Variants in POGLUT2 observed in about 807,000 individuals in gnomAD.
The protein encoded by POGLUT2 is protein O-glucosyltransferase 2.
A neutral mutation model predicts 57.6 loss-of-function variants in POGLUT2; 47 were observed. The ratio of observed to expected loss-of-function variants is 0.82; its 90% CI spans 0.65 to 1.04. The LOEUF is 1.04. Among genes scored for constraint, POGLUT2 ranks in the 50% least tolerant of loss-of-function variants. The pLI is 0.00. For synonymous variants in POGLUT2, 200 were observed against 218.8 expected, an observed-to-expected ratio of 0.91 and a Z score of 0.76; for missense variants, 565 against 614.8, an observed-to-expected ratio of 0.92 and a Z score of 0.86.
Position 102,791,118 on chromosome 13 carries a change from G to A in POGLUT2, c.866C>T (p.Ser289Phe). The A allele has an allele frequency of 6.2e-7, 1 of 1,614,056 alleles. No individual in the cohort carries two copies. The highest frequency in any genetic ancestry group is 8.5e-7 in the Non-Finnish European group (1 of 1,179,948). The change falls in exon 6 of 10, where the codon TCC becomes TTC. Residue 289 changes from serine (S) to phenylalanine (F), a missense_variant. Ser to Phe is a radical substitution (Grantham distance 155). Coordinates refer to ENST00000376004, the MANE Select transcript of POGLUT2 (RefSeq NM_024089.3). ...TMGRVSLDMM[S>F]VQANTGPPWE... ...GGGAGGACCCGTGTTAGCTTGCACG[G>A]ACATCATATCCAGACTTACCCTAGA...
At chr13:102,788,812 G>A (rs561422717) in intron 7 of POGLUT2, among the ~76,000 whole-genome samples, 200 bp downstream of exon 7, 1 of 152,284 alleles carries the variant, frequency 6.6e-6, no homozygotes, top group South Asian at 2.1e-4. Context: ...ATGCAGAGTG[G>A]AGAGTTAATG....
chr13:102,795,029 G>A (rs1190555746), intron 2 of POGLUT2, among the ~76,000 whole-genome samples: 5 of 149,376 alleles, frequency 3.3e-5, no homozygotes, highest in African/African-American at 1.2e-4. Context: ...TGAGGCGGGC[G>A]GATCACGAGG....
At chr13:102,790,871 A>G (rs1428770159) in intron 6 of POGLUT2, 30 bp downstream of exon 6, 2 of 1,425,240 alleles carry the variant, frequency 1.4e-6, no homozygotes, top group Non-Finnish European at 9.9e-7. Context: ...TTAGAAAAAC[A>G]AAAAAGATTA....
chr13:102,793,234 C>A, intron 4 of POGLUT2, 107 bp downstream of exon 4: 1 of 668,894 alleles, frequency 1.5e-6, no homozygotes, highest in Non-Finnish European at 2.7e-6. Context: ...TATCATAAGG[C>A]TCCAGAAGAG....
chr13:102,796,895 T>C lies in POGLUT2; in HGVS notation c.297A>G (p.Val99=), dbSNP rs1362342673. Residue 99 remains valine (V), a synonymous_variant, in exon 2 of 10, where the codon GTA becomes GTG. Coordinates refer to ENST00000376004, the MANE Select transcript of POGLUT2 (RefSeq NM_024089.3). ...VLDRKDGSFI[V]RYRMYASYKN... ...TGTAGCTTGCATACATTCTGTATCT[T>C]ACTATGAAGGACCCATCTTTTCGGT... 3 of 1,611,108 alleles carry C rather than the reference T, an allele frequency of 1.9e-6. No individual in the cohort carries two copies. Among genetic ancestry groups the C allele is most frequent in the Admixed American group, 3.3e-5 (2 of 59,988 alleles).
Position 102,789,012 on chromosome 13 carries a change from C to T in POGLUT2, c.1293G>A (p.Glu431=), listed in dbSNP as rs771616466. The T allele has an allele frequency of 5.6e-6, 9 of 1,612,358 alleles. No individual in the cohort carries two copies. Among genetic ancestry groups the T allele is most frequent in the African/African-American group, 1.3e-5 (1 of 74,844 alleles). Residue 431 remains glutamate (E), a splice_region_variant and synonymous_variant, in exon 7 of 10, where the codon GAG becomes GAA. Transcript: ENST00000376004. ...KLKWAKDHDE[E]AKKIAKAGQE... ...AAGCCTTCAAGGGGACTAACCTTAC[C>T]TCTTCATCGTGATCTTTCGCCCATT...
chr13:102,795,424 A>G lies in POGLUT2; in HGVS notation c.388+1380T>C, dbSNP rs535388600. Reference sequence around the variant, plus strand: ...CAAAAAATACAAAAATTAGTGGGGCATGGTGGTGAGTGCCTGTAGTCCCAG... The same window carrying G: ...CAAAAAATACAAAAATTAGTGGGGCGTGGTGGTGAGTGCCTGTAGTCCCAG... On this transcript the variant is annotated intron_variant, in intron 2 of 9. Coordinates refer to ENST00000376004, the MANE Select transcript of POGLUT2 (RefSeq NM_024089.3). 9.9e-5 allele frequency among the ~76,000 whole-genome samples: 15 copies of G among 152,102 alleles called. No homozygotes were observed. In the South Asian group the frequency reaches 2.7e-3, roughly 27 times the overall value.
chr13:102,787,590 G>C (rs1877999082), intron 8 of POGLUT2, among the ~76,000 whole-genome samples: 1 of 152,192 alleles, frequency 6.6e-6, no homozygotes, highest in Admixed American at 6.5e-5. Context: ...CAATTTCTTA[G>C]TCAGACATCA....
chr13:102,798,739 G>C lies in POGLUT2; in HGVS notation c.-69C>G. ...GTGTAAGAGGTGGACAGAAGCAGCCGAGCCTTCGGCAGGGACCCGCCGGCC... is the reference window on the plus strand; with the variant it reads ...GTGTAAGAGGTGGACAGAAGCAGCCCAGCCTTCGGCAGGGACCCGCCGGCC... On this transcript the variant is annotated 5_prime_UTR_variant, in exon 1 of 10. Transcript: ENST00000376004. The C allele has an allele frequency of 1.4e-6, 2 of 1,427,354 alleles. No individual in the cohort carries two copies. Among genetic ancestry groups the C allele is most frequent in the South Asian group, 2.9e-5 (2 of 68,422 alleles). The allele number at this position is 1,427,354 out of a possible 1,614,324, so 88.4% of individuals were successfully genotyped here.
intron 2 of POGLUT2, 112 bp downstream of exon 2, chr13:102,796,692 A>AT (rs1299179425): frequency 2.0e-4 from 31 of 151,814 alleles, no homozygotes; most frequent in South Asian, 1.9e-3. Flanking sequence ...GTAAAAAAAA[A>AT]AAAAAAAATA....
At chr13:102,785,496 G>T (rs1442377994) in intron 9 of POGLUT2, among the ~76,000 whole-genome samples, 2 of 149,656 alleles carry the variant, frequency 1.3e-5, no homozygotes, top group Non-Finnish European at 3.0e-5. Flanking sequence ...ACACACTCTA[G>T]TTTATGCAAT....
intron 2 of POGLUT2, among the ~76,000 whole-genome samples, chr13:102,794,271 A>G (rs1878293207): frequency 6.6e-6 from 1 of 152,126 alleles, no homozygotes; most frequent in Admixed American, 6.6e-5. Flanking sequence ...ATACTGGGGC[A>G]TTGCAAGTAA....
chr13:102,787,321 A>G (rs1877988139), intron 8 of POGLUT2, among the ~76,000 whole-genome samples: 1 of 152,188 alleles, frequency 6.6e-6, no homozygotes, highest in Admixed American at 6.5e-5. Flanking sequence ...TGCTGGGATT[A>G]CAGGTGTGAG....
rs767697799 is a variant in POGLUT2, at chr13:102,793,717, T to C, written c.478A>G (p.Ile160Val). The change falls in exon 3 of 10, where the codon ATT becomes GTT. Residue 160 changes from isoleucine (I) to valine (V), a missense_variant. Ile to Val is a conservative substitution (Grantham distance 29, BLOSUM62 3). Transcript: ENST00000376004. ...EMNCPETIAQ[I>V]QRDLAHFPAV... ...GGGAAATGTGCCAGATCTCTCTGAA[T>C]CTGAGCAATGGTTTCAGGGCAGTTC... 1.2e-6 allele frequency: 2 copies of C among 1,614,142 alleles called. No individual in the cohort carries two copies. Among genetic ancestry groups the C allele is most frequent in the Non-Finnish European group, 1.7e-6 (2 of 1,179,956 alleles).
intron 6 of POGLUT2, 139 bp downstream of exon 6, chr13:102,790,762 C>T (rs1429449842): frequency 1.5e-6 from 1 of 646,382 alleles, no homozygotes; most frequent in South Asian, 1.9e-5. Context: ...CCCCAGCACC[C>T]CCATGTCTCA....
chr13:102,789,298 C>T, intron 6 of POGLUT2, 77 bp from the exon 7 acceptor site: 1 of 1,239,864 alleles, frequency 8.1e-7, no homozygotes, highest in Non-Finnish European at 1.2e-6. Flanking sequence ...CCATCCCACA[C>T]ATAAACCTTT....
chr13:102,785,778 C>T (rs770671533), intron 9 of POGLUT2, among the ~76,000 whole-genome samples: 29 of 152,108 alleles, frequency 1.9e-4, no homozygotes, highest in Non-Finnish European at 3.5e-4. Flanking sequence ...CAATGAGATC[C>T]TTATGTAGTG....
In POGLUT2 at chr13:102,787,910, G is replaced by T; in HGVS notation, c.1307C>A (p.Ala436Glu). 6.3e-7 allele frequency: 1 copy of T among 1,591,664 alleles called. No homozygotes were observed. Residue 436 changes from alanine (A) to glutamate (E), a missense_variant, in exon 8 of 10, where the codon GCA becomes GAA. Physicochemically the swap from Ala to Glu is moderately radical, Grantham distance 107. Coordinates refer to ENST00000376004, the MANE Select transcript of POGLUT2 (RefSeq NM_024089.3). ...TCTTGCAAATTCTTGTCCTGCTTTT[G>T]CTATCTTTTTGGCCTACAGGAAGAA... The part of the protein sequence containing the change: ...KDHDEEAKKI[A>E]KAGQEFARNN...
At chr13:102,786,207 C>A in intron 9 of POGLUT2, 25 bp downstream of exon 9, 1 of 1,438,294 alleles carries the variant, frequency 7.0e-7, no homozygotes, top group Non-Finnish European at 9.8e-7. Flanking sequence ...ACTCTGACAC[C>A]GGCCATAAGC....
Sources: allele counts gnomAD v4.1 joint callset (sites outside exome capture counted in the v4.1 genomes callset), GRCh38; gene constraint gnomAD v4.1.1; transcripts MANE v1.5; gene names NCBI Gene and HGNC (gene_info 2026-07-23, HGNC 2026-07-21).